The following ANK2 variants were observed in gnomAD, a reference collection of about 807,000 sequenced individuals.
ANK2 encodes the protein ankyrin 2.
A neutral mutation model predicts 360.5 loss-of-function variants in ANK2; 83 were observed. The observed-to-expected ratio is 0.23, with a 90% CI of 0.19 to 0.28. The LOEUF is 0.28. Ranked by LOEUF, ANK2 falls within the 10% of genes least tolerant of loss-of-function variation. ANK2 has a pLI of 1.00. For synonymous variants in ANK2, 1,740 were observed against 1,759.5 expected (o/e 0.99, Z 0.28); for missense variants, 4,201 against 4,795.7 (o/e 0.88, Z 3.66).
At chr4:113,096,286 A>T (rs1252023963) in intron 1 of ANK2, among the ~76,000 whole-genome samples, 1 of 152,216 alleles carries the variant, frequency 6.6e-6, no homozygotes, top group East Asian at 1.9e-4. Context: ...TAAATAACTG[A>T]TTAATCACTG....
At chr4:113,037,422 A>G (rs1166700886) in intron 2 of ANK2, among the ~76,000 whole-genome samples, 1 of 151,966 alleles carries the variant, frequency 6.6e-6, no homozygotes, top group East Asian at 1.9e-4. Flanking sequence ...TTGTAGCATT[A>G]AATGTATTAT....
At chr4:113,204,311 C>T (rs1046799409) in intron 4 of ANK2, among the ~76,000 whole-genome samples, 2 of 152,046 alleles carry the variant, frequency 1.3e-5, no homozygotes, top group African/African-American at 2.4e-5. Context: ...CATCATCAAA[C>T]ATGAGAAGCT....
chr4:112,924,488 C>T (rs1361373032), intron 2 of ANK2, among the ~76,000 whole-genome samples: 1 of 152,034 alleles, frequency 6.6e-6, no homozygotes, highest in Non-Finnish European at 1.5e-5. Flanking sequence ...GAGAAAACAG[C>T]TTTTTAAAAG....
the ANK2 span, among the ~76,000 whole-genome samples, chr4:112,757,078 C>A: frequency 2.0e-5 from 3 of 151,614 alleles, no homozygotes; most frequent in Admixed American, 6.6e-5. Flanking sequence ...CAAATTATAT[C>A]ATTTCTCTCA....
At chr4:112,937,988 TA>T (rs759846309) in intron 2 of ANK2, among the ~76,000 whole-genome samples, 9 of 152,346 alleles carry the variant, frequency 5.9e-5, no homozygotes, top group Non-Finnish European at 7.3e-5. Context: ...ATGAATATTT[TA>T]AAACACTTGG....
intron 1 of ANK2, among the ~76,000 whole-genome samples, chr4:113,115,945 G>A (rs2094721196): frequency 6.6e-6 from 1 of 152,136 alleles, no homozygotes; most frequent in Admixed American, 6.5e-5. Context: ...AACGTCCATA[G>A]TCCTCTATAT....
chr4:113,189,028 C>T (rs2153345812), intron 2 of ANK2, among the ~76,000 whole-genome samples: 1 of 152,114 alleles, frequency 6.6e-6, no homozygotes, highest in Non-Finnish European at 1.5e-5. Flanking sequence ...GTAGAGGTTA[C>T]CAGTATTAAT....
At chr4:112,869,014 G>A (rs759365954) in intron 1 of ANK2, among the ~76,000 whole-genome samples, 8 of 152,110 alleles carry the variant, frequency 5.3e-5, no homozygotes, top group East Asian at 1.9e-4. Flanking sequence ...AGGCTGGAGT[G>A]CAGTGGCAAG....
At chr4:113,360,167 A>G (rs2096114355) in intron 38 of ANK2, among the ~76,000 whole-genome samples, 1 of 152,210 alleles carries the variant, frequency 6.6e-6, no homozygotes. Context: ...GGAAAATTAT[A>G]GTTTATAGGA....
chr4:113,341,653 G>T, intron 32 of ANK2, 35 bp from the exon 33 acceptor site: 2 of 1,602,634 alleles, frequency 1.2e-6, no homozygotes, highest in South Asian at 2.2e-5. Flanking sequence ...GGTATACTTT[G>T]AACTTTAGAT....
At chr4:112,941,857 G>A (rs2094247838) in intron 2 of ANK2, among the ~76,000 whole-genome samples, 1 of 150,404 alleles carries the variant, frequency 6.6e-6, no homozygotes, top group Admixed American at 6.6e-5. Flanking sequence ...TCAAAATTTT[G>A]TCAGAAGTTT....
chr4:113,212,189 A>T (rs1007886947), intron 4 of ANK2, among the ~76,000 whole-genome samples: 1 of 152,218 alleles, frequency 6.6e-6, no homozygotes, highest in African/African-American at 2.4e-5. Flanking sequence ...TTAATTACAT[A>T]ATCATTCTTG....
At chr4:112,760,972 A>G in the ANK2 span, among the ~76,000 whole-genome samples, 3 of 151,498 alleles carry the variant, frequency 2.0e-5, no homozygotes, top group African/African-American at 7.3e-5. Flanking sequence ...ATGCCCAGCT[A>G]ATTTTTGTAT....
At chr4:112,883,754 GA>G (rs1263704386) in intron 1 of ANK2, among the ~76,000 whole-genome samples, 1 of 151,854 alleles carries the variant, frequency 6.6e-6, no homozygotes, top group East Asian at 1.9e-4. Context: ...CATGCAATCA[GA>G]GAAAGGCTGT....
chr4:113,173,724 T>C (rs2098083786), intron 1 of ANK2, among the ~76,000 whole-genome samples: 1 of 152,136 alleles, frequency 6.6e-6, no homozygotes, highest in African/African-American at 2.4e-5. Flanking sequence ...GCAGTTTCCA[T>C]CCAGAGTGAT....
the ANK2 span, among the ~76,000 whole-genome samples, chr4:112,764,404 C>T: frequency 1.3e-5 from 2 of 151,816 alleles, no homozygotes; most frequent in Non-Finnish European, 2.9e-5. Context: ...GGCCCGATCT[C>T]GGCTCATTGC....
chr4:113,277,390 C>T (rs550700464), intron 15 of ANK2, among the ~76,000 whole-genome samples: 1 of 152,016 alleles, frequency 6.6e-6, no homozygotes, highest in East Asian at 1.9e-4. Flanking sequence ...ACTATGGCTG[C>T]CAAAATATCC....
intron 40 of ANK2, among the ~76,000 whole-genome samples, chr4:113,364,550 C>T (rs2096424927): frequency 6.6e-6 from 1 of 152,182 alleles, no homozygotes; most frequent in Non-Finnish European, 1.5e-5. Flanking sequence ...AGCATTGTTT[C>T]ACTGGTAGTG....
rs1378562728 is a variant in ANK2, at chr4:113,356,413, G to A, written c.7795G>A (p.Asp2599Asn). 6.2e-7 allele frequency: 1 copy of A among 1,614,134 alleles called. No individual in the cohort carries two copies. The highest frequency in any genetic ancestry group is 8.5e-7 in the Non-Finnish European group (1 of 1,179,998). Residue 2599 changes from aspartate (D) to asparagine (N), a missense_variant, in exon 38 of 46, where the codon GAT (aspartate) becomes AAT (asparagine). Physicochemically the swap from Asp to Asn is conservative, Grantham distance 23 (BLOSUM62 1). Coordinates refer to ENST00000357077, the MANE Select transcript of ANK2 (RefSeq NM_001148.6). ...FKMVTKIKMF[D>N]ELEQEAKQKR... is the part of the protein sequence containing the mutation. ...AATGGTAACCAAAATCAAAATGTTT[G>A]ATGAACTTGAACAAGAAGCAAAGCA... is the stretch of plus-strand genomic sequence containing the variant.
Sources: gnomAD v4.1 joint callset for allele counts (sites outside exome capture counted in the v4.1 genomes callset) on GRCh38, gnomAD v4.1.1 for gene constraint, MANE v1.5 for transcripts, NCBI Gene and HGNC (gene_info 2026-07-23, HGNC 2026-07-21) for gene names.